The following PSD variants were observed in gnomAD, a reference collection of about 807,000 sequenced individuals.
The protein encoded by PSD is pleckstrin and Sec7 domain containing.
Under a neutral mutation model 91.6 loss-of-function variants are expected in PSD, and 32 were observed. The observed-to-expected ratio is 0.35, with a 90% CI of 0.26 to 0.47. The LOEUF (loss-of-function observed/expected upper bound fraction) is 0.47, where lower values mean the gene tolerates loss of function less well. Among genes scored for constraint, PSD ranks in the 20% least tolerant of loss-of-function variants. The pLI is 1.00. For synonymous variants in PSD, 532 were observed against 569.3 expected, an observed-to-expected ratio of 0.93 and a Z score of 0.93; for missense variants, 1,099 against 1,373.9, an observed-to-expected ratio of 0.80 and a Z score of 3.16.
rs1411666487 is a variant in PSD, at chr10:102,405,582, C to T, written c.2136-46G>A. The stretch of plus-strand genomic sequence containing the variant: ...GAGGGGGCTGGCCATGGAGCCGCGG[C>T]CCCCGCTTCAGTTCTGGCCTCTGCT... On this transcript the variant is annotated intron_variant, in intron 11 of 16. Coordinates refer to ENST00000020673, the MANE Select transcript of PSD (RefSeq NM_002779.5). This position sits in a 1 kb window ranked among gnomAD's most constrained non-coding sequence, Gnocchi z 5.4. 13 of 1,556,652 alleles carry T rather than the reference C, an allele frequency of 8.4e-6. No individual in the cohort carries two copies. The highest frequency in any genetic ancestry group is 1.1e-5 in the Non-Finnish European group (13 of 1,144,040).
In PSD at chr10:102,405,269, A is replaced by G; in HGVS notation, c.2327-16T>C. 1 of 1,610,276 alleles carries G rather than the reference A, an allele frequency of 6.2e-7. No homozygotes were observed. Among genetic ancestry groups the G allele is most frequent in the East Asian group, 2.2e-5 (1 of 44,878 alleles). On this transcript the variant is annotated splice_polypyrimidine_tract_variant and intron_variant, in intron 12 of 16. Coordinates refer to ENST00000020673, the MANE Select transcript of PSD (RefSeq NM_002779.5). The surrounding 1 kb of genome is among the most constrained non-coding windows in gnomAD (Gnocchi z 5.4). ...CCCCGAGGTGCTGCGGGGAGAGAAG[A>G]CAGGTCAGGGGGCCCTGGAACAGGC...
In PSD at chr10:102,413,973, G is replaced by A. The variant is rs1156671033; in HGVS notation, c.1349C>T (p.Ala450Val). The stretch of plus-strand genomic sequence containing the variant: ...GGGAGCTGGTGGGTCGGGCCGGGGT[G>A]CAGGGGGTTGGGGAGGCAGCTCAAA... ...FTFELPPQPP[A>V]PRPDPPAPAP... The change falls in exon 5 of 17, where the codon GCA becomes GTA. Residue 450 changes from alanine (A) to valine (V), a missense_variant. Coordinates refer to ENST00000020673, the MANE Select transcript of PSD (RefSeq NM_002779.5). The A allele has an allele frequency of 3.1e-6, 5 of 1,613,936 alleles. No individual in the cohort carries two copies. Among genetic ancestry groups the A allele is most frequent in the East Asian group, 2.2e-5 (1 of 44,872 alleles).
At position 102,403,896 on chromosome 10, in the gene PSD, G is replaced by A. The variant is rs765032364; in HGVS notation, c.2790C>T (p.Gly930=). The A allele has an allele frequency of 1.4e-5, 22 of 1,605,236 alleles. No individual in the cohort carries two copies. Among genetic ancestry groups the A allele is most frequent in the Non-Finnish European group, 1.7e-5 (20 of 1,176,018 alleles). The stretch of plus-strand genomic sequence containing the variant: ...GCTGCTCTTCAGCCTCCTTGCCCCG[G>A]CCCTTCTTGCCCAGCTGGGCGGCCC... ...EHRAAQLGKK[G]RGKEAEEQRQ... Residue 930 remains glycine, a synonymous_variant, in exon 16 of 17, where the codon GGC becomes GGT. Coordinates refer to ENST00000020673, the MANE Select transcript of PSD (RefSeq NM_002779.5). This position sits in a 1 kb window ranked among gnomAD's most constrained non-coding sequence, Gnocchi z 6.7.
rs1394705294 is a variant in PSD at position 102,410,862 on chromosome 10, A to G, written c.2087T>C (p.Leu696Pro). 2 of 1,609,474 alleles carry G rather than the reference A, an allele frequency of 1.2e-6. No individual in the cohort carries two copies. The highest frequency in any genetic ancestry group is 8.5e-7 in the Non-Finnish European group (1 of 1,177,228). ...NDGGDFPREL[L>P]KALYSSIKNE... Reference sequence around the variant, plus strand: ...CTACCCTGCCCCGCCCCCCACCTTGAGCAGCTCCCTAGGGAAGTCGCCGCC... The same window carrying G: ...CTACCCTGCCCCGCCCCCCACCTTGGGCAGCTCCCTAGGGAAGTCGCCGCC... Residue 696 changes from leucine to proline, a missense_variant, in exon 10 of 17, where the codon CTC (leucine) becomes CCC (proline). By Grantham distance (98) the Leu-to-Pro change is moderately conservative. Transcript: ENST00000020673. This position sits in a 1 kb window ranked among gnomAD's most constrained non-coding sequence, Gnocchi z 6.0.
In PSD at chr10:102,407,281, G is replaced by A. The variant is rs987717222; in HGVS notation, c.2092-15C>T. 7.7e-6 allele frequency: 12 copies of A among 1,557,480 alleles called. No homozygotes were observed. The highest frequency in any genetic ancestry group is 5.5e-5 in the African/African-American group (4 of 72,960). ...CTGTACAAGGCCTGGGGGGTGGGGGGAACAAATTAGGGGGTTGTGGGTCAG... is the reference window on the plus strand; with the variant it reads ...CTGTACAAGGCCTGGGGGGTGGGGGAAACAAATTAGGGGGTTGTGGGTCAG... On this transcript the variant is annotated splice_polypyrimidine_tract_variant and intron_variant, in intron 10 of 16. Transcript: ENST00000020673.
chr10:102,402,912 A>T lies in PSD; in HGVS notation c.*288T>A. The T allele has an allele frequency of 3.0e-6, 1 of 329,742 alleles. No individual in the cohort carries two copies. The highest frequency in any genetic ancestry group is 5.5e-6 in the Non-Finnish European group (1 of 181,768). 20.4% of individuals were successfully genotyped at this position (329,742 alleles called of 1,614,324 possible). The stretch of plus-strand genomic sequence containing the variant: ...GCAGAAACGGCATCAGGCCTCTCCC[A>T]CACAAAAAAAAAGCATCAAAAGTTC... On this transcript the variant is annotated 3_prime_UTR_variant, in exon 17 of 17. Coordinates refer to ENST00000020673, the MANE Select transcript of PSD (RefSeq NM_002779.5).
chr10:102,414,117 A>C lies in PSD; in HGVS notation c.1205T>G (p.Phe402Cys), dbSNP rs923930109. ...TSPSADGPDS[F>C]SCVFEAILES... ...CAGGATGGCTTCGAACACACAACTGAAAGAGTCAGGCCCATCAGCCGAGGG... is the reference window on the plus strand; with the variant it reads ...CAGGATGGCTTCGAACACACAACTGCAAGAGTCAGGCCCATCAGCCGAGGG... Residue 402 changes from phenylalanine (F) to cysteine (C), a missense_variant, in exon 5 of 17, where the codon TTC becomes TGC. By Grantham distance (205) the Phe-to-Cys change is radical. Around this residue, in one of 3 missense-constraint regions of PSD, gnomAD observed 631 missense variants for 728.8 expected, o/e 0.87. Transcript: ENST00000020673. This position sits in a 1 kb window ranked among gnomAD's most constrained non-coding sequence, Gnocchi z 5.6. The C allele has an allele frequency of 3.1e-6, 5 of 1,613,908 alleles. No individual in the cohort carries two copies. The highest frequency in any genetic ancestry group is 4.2e-6 in the Non-Finnish European group (5 of 1,179,966).
Position 102,405,358 on chromosome 10 carries a change from C to T in PSD, c.2314G>A (p.Asp772Asn). ...CTCGGCCACATACTCTTCCTGCAGT[C>T]AGGGTCTGCGTGCACCTTTCGCACC... Reference protein sequence around the residue: ...ALVRKVHADPDCRKTPRGKRG... With the variant: ...ALVRKVHADPNCRKTPRGKRG... Residue 772 changes from aspartate (D) to asparagine (N), a missense_variant, in exon 12 of 17, where the codon GAC becomes AAC. Asp to Asn is a conservative substitution (Grantham distance 23). Transcript: ENST00000020673. The surrounding 1 kb of genome is among the most constrained non-coding windows in gnomAD (Gnocchi z 5.4). 1 of 1,611,716 alleles carries T rather than the reference C, an allele frequency of 6.2e-7. No homozygotes were observed. The highest frequency in any genetic ancestry group is 8.5e-7 in the Non-Finnish European group (1 of 1,179,222).
rs949126432 is a variant in PSD, at chr10:102,410,486, AC to A, written c.2091+371del. 1.3e-5 allele frequency among the ~76,000 whole-genome samples: 2 copies of A among 151,802 alleles called. No homozygotes were observed. Among genetic ancestry groups the A allele is most frequent in the African/African-American group, 4.8e-5 (2 of 41,294 alleles). On this transcript the variant is annotated intron_variant, in intron 10 of 16. Transcript: ENST00000020673. This position sits in a 1 kb window ranked among gnomAD's most constrained non-coding sequence, Gnocchi z 6.0. ...GCGGCGGGGGAGCAGTGTGGAGTGT[AC>A]CCCCATCCAATCCCTGTCCCGTGCA...
chr10:102,417,259 A>T, intron 1 of PSD, 138 bp from the exon 2 acceptor site: 1 of 539,774 alleles, frequency 1.9e-6, no homozygotes, highest in Non-Finnish European at 3.3e-6. Context: ...GGGATCATTG[A>T]TCCCACGCCT....
Position 102,416,768 on chromosome 10 carries a change from G to A in PSD, c.271C>T (p.Gln91Ter). 6.3e-7 allele frequency: 1 copy of A among 1,593,018 alleles called. No individual in the cohort carries two copies. Among genetic ancestry groups the A allele is most frequent in the Non-Finnish European group, 8.6e-7 (1 of 1,169,276 alleles). The change falls in exon 2 of 17, where the codon CAG becomes TAG. Residue 91 changes from glutamine to a stop codon, truncating the protein, a stop_gained. Transcript: ENST00000020673. LOFTEE classifies it high-confidence loss of function. This position sits in a 1 kb window ranked among gnomAD's most constrained non-coding sequence, Gnocchi z 6.0. ...SPWAPSSPTGQPPPGAQSSVV... is the reference protein window; with the variant it reads ...SPWAPSSPTG The stretch of plus-strand genomic sequence containing the variant: ...GAGCTCTGGGCCCCGGGTGGGGGCT[G>A]CCCAGTGGGTGAAGAGGGTGCCCAG...
rs1226261476 is a variant in PSD, at chr10:102,403,355, C to T, written c.2920G>A (p.Glu974Lys). The T allele has an allele frequency of 1.2e-6, 2 of 1,614,060 alleles. No homozygotes were observed. The highest frequency in any genetic ancestry group is 1.7e-6 in the Non-Finnish European group (2 of 1,180,028). Residue 974 changes from glutamate to lysine, a missense_variant, in exon 17 of 17, where the codon GAG becomes AAG. By Grantham distance (56) the Glu-to-Lys change is moderately conservative (BLOSUM62 1). This residue lies in a region of PSD where 358 missense variants were observed against 426.5 expected (regional missense o/e 0.84). Coordinates refer to ENST00000020673, the MANE Select transcript of PSD (RefSeq NM_002779.5). The surrounding 1 kb of genome is among the most constrained non-coding windows in gnomAD (Gnocchi z 6.7). ...KAGSEELDAV[E>K]AALAQAGSTE... Reference sequence around the variant, plus strand: ...CTCCCGGCCTGGGCCAGTGCTGCCTCCACTGCATCCAGCTCCTCACTGCCT... The same window carrying T: ...CTCCCGGCCTGGGCCAGTGCTGCCTTCACTGCATCCAGCTCCTCACTGCCT...
At position 102,416,192 on chromosome 10, in the gene PSD, A is replaced by G; in HGVS notation, c.655-73T>C. ...ACAAGGACACAAGAATATGGGACAG[A>G]AACAGAAATTAAAACATGCATCGAC... On this transcript the variant is annotated intron_variant, in intron 2 of 16. Coordinates refer to ENST00000020673, the MANE Select transcript of PSD (RefSeq NM_002779.5). This position sits in a 1 kb window ranked among gnomAD's most constrained non-coding sequence, Gnocchi z 6.0. The G allele has an allele frequency of 7.6e-7, 1 of 1,308,264 alleles. No individual in the cohort carries two copies. Among genetic ancestry groups the G allele is most frequent in the Non-Finnish European group, 1.1e-6 (1 of 931,480 alleles). 81.0% of individuals were successfully genotyped at this position (1,308,264 alleles called of 1,614,324 possible). A position where few individuals can be genotyped will look rare whatever the true frequency, so the allele number is the denominator to read the frequency against.
Position 102,403,760 on chromosome 10 carries a change from C to T in PSD, c.2844+82G>A. On this transcript the variant is annotated intron_variant, in intron 16 of 16. Coordinates refer to ENST00000020673, the MANE Select transcript of PSD (RefSeq NM_002779.5). The surrounding 1 kb of genome is among the most constrained non-coding windows in gnomAD (Gnocchi z 6.7). ...AAGCAACCTGCCCAAGGACCTCCGG[C>T]CGGTTCCACTGTTAGAGTTCATGCC... 1.3e-6 allele frequency: 2 copies of T among 1,499,468 alleles called. No homozygotes were observed. Among genetic ancestry groups the T allele is most frequent in the Non-Finnish European group, 1.8e-6 (2 of 1,118,222 alleles). 92.9% of individuals were successfully genotyped at this position (1,499,468 alleles called of 1,614,324 possible). A position where few individuals can be genotyped will look rare whatever the true frequency, so the allele number is the denominator to read the frequency against.
At chr10:102,411,458 G>A (rs2061424109) in intron 8 of PSD, among the ~76,000 whole-genome samples, 1 of 152,210 alleles carries the variant, frequency 6.6e-6, no homozygotes, top group Non-Finnish European at 1.5e-5. Flanking sequence ...GCACTGGCCT[G>A]CACAGGCATG....
chr10:102,417,393 T>C (rs776642529), intron 1 of PSD, among the ~76,000 whole-genome samples: 1 of 152,088 alleles, frequency 6.6e-6, no homozygotes, highest in South Asian at 2.1e-4. Flanking sequence ...AACTTCAAAG[T>C]TGAGTGAGCC....
intron 3 of PSD, 39 bp from the exon 4 acceptor site, chr10:102,415,268 A>C: frequency 6.5e-7 from 1 of 1,549,506 alleles, no homozygotes; most frequent in Non-Finnish European, 8.7e-7. Context: ...GAGGTTATCC[A>C]CGTCAGCTCC....
chr10:102,411,073 C>T lies in PSD; in HGVS notation c.1986G>A (p.Thr662=), dbSNP rs977028366. ...CTCCACTCACATGGCCGTGGAGATC[C>T]GTGTTGAGCAGCATGAGCGCACAGG... The part of the protein sequence containing the change: ...TLTCALMLLN[T]DLHGHNIGKR... Residue 662 remains threonine (T), a synonymous_variant, in exon 9 of 17, where the codon ACG becomes ACA. Transcript: ENST00000020673. The T allele has an allele frequency of 1.2e-6, 2 of 1,612,456 alleles. No individual in the cohort carries two copies. The highest frequency in any genetic ancestry group is 1.3e-5 in the African/African-American group (1 of 74,830).
At chr10:102,415,669 C>G (rs2061470558) in intron 3 of PSD, among the ~76,000 whole-genome samples, 1 of 152,152 alleles carries the variant, frequency 6.6e-6, no homozygotes, top group South Asian at 2.1e-4. Context: ...TGCTTGTTGT[C>G]CAGGCTGGTC....
Sources: allele counts gnomAD v4.1 joint callset (sites outside exome capture counted in the v4.1 genomes callset), GRCh38; gene constraint gnomAD v4.1.1; regional missense constraint gnomAD v4.1.1; non-coding constraint Gnocchi (gnomAD v3.1); transcripts MANE v1.5; gene names NCBI Gene and HGNC (gene_info 2026-07-23, HGNC 2026-07-21).